The following CACNA2D3 variants were observed in gnomAD, a reference collection of about 807,000 sequenced individuals.
CACNA2D3 encodes calcium voltage-gated channel auxiliary subunit alpha2delta 3, also known as voltage-dependent calcium channel subunit alpha-2/delta-3.
In CACNA2D3, 60 loss-of-function variants were observed where a neutral mutation model predicts 160.6. That is an observed-to-expected ratio of 0.37 (90% CI 0.30 to 0.46). The LOEUF (loss-of-function observed/expected upper bound fraction) is 0.46. CACNA2D3 is among the 20% of genes least tolerant of loss of function. The pLI is 1.00. For missense variants in CACNA2D3, 1,205 were observed against 1,365.0 expected (o/e 0.88, Z 1.85); for synonymous variants, 558 against 492.9 (o/e 1.13, Z -1.75).
chr3:54,886,365 G>T (rs1699926346), intron 23 of CACNA2D3, among the ~76,000 whole-genome samples: 1 of 152,196 alleles, frequency 6.6e-6, no homozygotes, highest in Admixed American at 6.5e-5. Flanking sequence ...GAAAGGATCA[G>T]ATGGACATCC....
intron 5 of CACNA2D3, among the ~76,000 whole-genome samples, chr3:54,514,562 G>C (rs1701513183): frequency 6.6e-6 from 1 of 152,210 alleles, no homozygotes; most frequent in South Asian, 2.1e-4. Flanking sequence ...TTACAGGTCA[G>C]TGGGAAGGCA....
At chr3:54,767,292 C>T (rs955676672) in intron 13 of CACNA2D3, among the ~76,000 whole-genome samples, 3 of 152,082 alleles carry the variant, frequency 2.0e-5, no homozygotes, top group South Asian at 2.1e-4. Flanking sequence ...TATAGTAGTA[C>T]ACACAATATT....
intron 10 of CACNA2D3, chr3:54,632,291 C>T (rs1161834604): frequency 6.6e-6 from 1 of 152,076 alleles, no homozygotes; most frequent in Non-Finnish European, 1.5e-5. Context: ...CTTCTTTTTT[C>T]CTCTCTTTCT....
intron 2 of CACNA2D3, among the ~76,000 whole-genome samples, chr3:54,153,380 A>C (rs1700186311): frequency 6.6e-6 from 1 of 152,228 alleles, no homozygotes. Context: ...TTGCAGCAAA[A>C]ATAAATATCT....
chr3:54,361,990 C>T (rs1217019942), intron 3 of CACNA2D3, among the ~76,000 whole-genome samples: 1 of 152,202 alleles, frequency 6.6e-6, no homozygotes, highest in African/African-American at 2.4e-5. Context: ...GCGTTAACAG[C>T]TCCTGGGAGC....
At chr3:54,685,526 A>G (rs909675201) in intron 11 of CACNA2D3, among the ~76,000 whole-genome samples, 4 of 152,252 alleles carry the variant, frequency 2.6e-5, no homozygotes, top group African/African-American at 9.6e-5. Context: ...GCCTTTTTCT[A>G]GAAGCTGTAT....
intron 12 of CACNA2D3, among the ~76,000 whole-genome samples, chr3:54,763,860 T>TATATACGTATATATATATAC (rs1702161305): frequency 2.3e-4 from 1 of 4,384 alleles, no homozygotes; most frequent in Non-Finnish European, 9.1e-4. Flanking sequence ...TATATATACA[T>TATATACGTATATATATATAC]ATATATATAC....
At chr3:54,189,405 C>A (rs754713934) in intron 2 of CACNA2D3, among the ~76,000 whole-genome samples, 1 of 152,124 alleles carries the variant, frequency 6.6e-6, no homozygotes, top group Non-Finnish European at 1.5e-5. Flanking sequence ...ACCTTAAGAC[C>A]ATTTAGGGAC....
intron 17 of CACNA2D3, among the ~76,000 whole-genome samples, chr3:54,851,945 C>G (rs530749874): frequency 1.0e-3 from 152 of 152,296 alleles, no homozygotes; most frequent in African/African-American, 2.7e-3. Context: ...GCTGTGGCCC[C>G]CATAAGGGAC....
chr3:54,796,980 T>G (rs1702878235), intron 13 of CACNA2D3, among the ~76,000 whole-genome samples: 2 of 152,204 alleles, frequency 1.3e-5, no homozygotes, highest in Non-Finnish European at 2.9e-5. Context: ...TCTCCAGAGC[T>G]GTCTTCTGAA....
At chr3:54,540,224 C>T (rs530534399) in intron 5 of CACNA2D3, among the ~76,000 whole-genome samples, 1 of 152,134 alleles carries the variant, frequency 6.6e-6, no homozygotes, top group Non-Finnish European at 1.5e-5. Flanking sequence ...CAAGAACTTC[C>T]AATTCAGCGG....
chr3:54,123,676 A>G, intron 2 of CACNA2D3, 82 bp downstream of exon 2: 1 of 1,106,772 alleles, frequency 9.0e-7, no homozygotes, highest in Non-Finnish European at 1.4e-6. Context: ...AACAAACGTG[A>G]GCCCCGAGCA....
At chr3:54,463,807 C>T (rs1245116423) in intron 4 of CACNA2D3, among the ~76,000 whole-genome samples, 5 of 152,202 alleles carry the variant, frequency 3.3e-5, no homozygotes, top group Admixed American at 2.6e-4. Context: ...TGTTCCGTTG[C>T]TGGTGAGGAA....
chr3:54,968,161 G>A lies in CACNA2D3; in HGVS notation c.2450-289G>A, dbSNP rs1559450145. Among the ~76,000 whole-genome samples, 4 of 151,972 alleles carry A rather than the reference G, an allele frequency of 2.6e-5. 1 individual carries two copies. Among genetic ancestry groups the A allele is most frequent in the South Asian group, 4.2e-4 (2 of 4,806 alleles). On this transcript the variant is annotated intron_variant, in intron 27 of 37. Transcript: ENST00000474759. ...TCTTCTCAGCTTGTGTTGGGGTGGG[G>A]GTAGGGGCAGTGGTGCAAGCATATG...
chr3:54,754,488 T>A (rs539630971), intron 12 of CACNA2D3, among the ~76,000 whole-genome samples: 1 of 152,202 alleles, frequency 6.6e-6, no homozygotes, highest in Non-Finnish European at 1.5e-5. Context: ...AGTTATTCTC[T>A]TGTGTTATGT....
intron 27 of CACNA2D3, among the ~76,000 whole-genome samples, chr3:54,910,201 T>G (rs1261279574): frequency 6.6e-6 from 1 of 152,156 alleles, no homozygotes; most frequent in Non-Finnish European, 1.5e-5. Context: ...TCTTTCAAAA[T>G]AAAATTTCAG....
intron 11 of CACNA2D3, among the ~76,000 whole-genome samples, chr3:54,688,093 CAT>C (rs557185559): frequency 2.2e-4 from 34 of 152,282 alleles, no homozygotes; most frequent in South Asian, 6.2e-4. Context: ...AGCAACATCA[CAT>C]GTTTTATTAT....
chr3:54,253,862 C>G (rs9827268), intron 2 of CACNA2D3, among the ~76,000 whole-genome samples: 61,776 of 151,720 alleles, frequency 0.41, 12,667 homozygotes, highest in African/African-American at 0.43. Context: ...CTGCCACCCA[C>G]GTTCAAGCAA....
intron 2 of CACNA2D3, among the ~76,000 whole-genome samples, chr3:54,250,392 T>C (rs142120808): frequency 6.6e-6 from 1 of 152,302 alleles, no homozygotes; most frequent in East Asian, 1.9e-4. Context: ...AAACATCATA[T>C]TATACCCCAT....
Sources: gnomAD v4.1 joint callset for allele counts (sites outside exome capture counted in the v4.1 genomes callset) on GRCh38, gnomAD v4.1.1 for gene constraint, MANE v1.5 for transcripts, NCBI Gene and HGNC (gene_info 2026-07-23, HGNC 2026-07-21) for gene names.